The following TMEM114 variants were observed in gnomAD, a reference collection of about 807,000 sequenced individuals.
The protein encoded by TMEM114 is transmembrane protein 114, also known as claudin-26.
In TMEM114, 6 loss-of-function variants were observed where a neutral mutation model predicts 6.2. The ratio of observed to expected loss-of-function variants is 0.97; its 90% CI spans 0.53 to 1.91. The LOEUF (loss-of-function observed/expected upper bound fraction) is 1.91, where lower values mean the gene tolerates loss of function less well. Among genes scored for constraint, TMEM114 ranks in the 40% most tolerant of loss-of-function variants. The pLI is 0.01. For synonymous variants in TMEM114, 104 were observed against 73.0 expected, an observed-to-expected ratio of 1.42 and a Z score of -2.16; for missense variants, 218 against 158.3, an observed-to-expected ratio of 1.38 and a Z score of -2.02.
chr16:8,546,803 A>T (rs1900681397), intron 2 of TMEM114, among the ~76,000 whole-genome samples: 1 of 152,222 alleles, frequency 6.6e-6, no homozygotes. Flanking sequence ...TCTGCAATAA[A>T]GGTTTCGCTC....
At chr16:8,588,542 A>T (rs966060055) in intron 2 of TMEM114, among the ~76,000 whole-genome samples, 1 of 152,140 alleles carries the variant, frequency 6.6e-6, no homozygotes, top group Non-Finnish European at 1.5e-5. Flanking sequence ...CTCCCTCCAC[A>T]AATGCTCATT....
chr16:8,572,406 A>G, intron 2 of TMEM114, 182 bp from the exon 3 acceptor site: 1 of 682,486 alleles, frequency 1.5e-6, no homozygotes, highest in Non-Finnish European at 2.5e-6. Context: ...GTTGAGGCTC[A>G]TCTCGTGCAA....
intron 2 of TMEM114, among the ~76,000 whole-genome samples, chr16:8,583,252 C>T (rs1168429958): frequency 6.6e-6 from 1 of 152,162 alleles, no homozygotes; most frequent in Non-Finnish European, 1.5e-5. Context: ...CAAATAAGTG[C>T]ATCTGGTGGG....
chr16:8,542,379 A>G (rs1469278956), intron 2 of TMEM114, among the ~76,000 whole-genome samples: 1 of 152,192 alleles, frequency 6.6e-6, no homozygotes, highest in Non-Finnish European at 1.5e-5. Flanking sequence ...AAAGAAACCC[A>G]GATAAGGAGA....
chr16:8,552,242 G>A lies in TMEM114; in HGVS notation n.213-14416C>T, dbSNP rs1900869162. On this transcript the variant is annotated intron_variant and non_coding_transcript_variant, in intron 2 of 2. Coordinates refer to the TMEM114 transcript ENST00000623677. The stretch of plus-strand genomic sequence containing the variant: ...AAAAAAAAAATTTTAATATTAGCCA[G>A]GCATGGTTGTGTGTGCCTATAGTCC... 2.6e-5 allele frequency among the ~76,000 whole-genome samples: 4 copies of A among 151,882 alleles called. 1 individual carries two copies. The South Asian group carries it at 8.3e-4, about 32-fold the overall frequency.
chr16:8,543,004 A>C (rs914852493), intron 2 of TMEM114, among the ~76,000 whole-genome samples: 1 of 152,262 alleles, frequency 6.6e-6, no homozygotes, highest in Non-Finnish European at 1.5e-5. Flanking sequence ...ACTCCTAGCC[A>C]GGAGAAAAGG....
chr16:8,584,603 T>A (rs1190300103), intron 2 of TMEM114, among the ~76,000 whole-genome samples: 1 of 152,010 alleles, frequency 6.6e-6, no homozygotes, highest in African/African-American at 2.4e-5. Flanking sequence ...TAAGGAGGTG[T>A]GTTAGTCTGT....
At chr16:8,529,729 TAA>T in the TMEM114 span, among the ~76,000 whole-genome samples, 2 of 135,700 alleles carry the variant, frequency 1.5e-5, no homozygotes, top group Non-Finnish European at 3.2e-5. Context: ...AAAGAAAACT[TAA>T]AAAAAAAAAA....
At chr16:8,575,249 C>T (rs1901880152) in intron 2 of TMEM114, among the ~76,000 whole-genome samples, 2 of 152,204 alleles carry the variant, frequency 1.3e-5, no homozygotes, top group Non-Finnish European at 2.9e-5. Context: ...AGAGTAAAAA[C>T]ACCTGCCCAC....
chr16:8,531,853 G>A, the TMEM114 span: 1 of 152,224 alleles, frequency 6.6e-6, no homozygotes, highest in African/African-American at 2.4e-5. Context: ...AATGGAAAGG[G>A]ATGTAAAATT....
At chr16:8,529,617 C>A in the TMEM114 span, among the ~76,000 whole-genome samples, 1 of 151,916 alleles carries the variant, frequency 6.6e-6, no homozygotes, top group African/African-American at 2.4e-5. Flanking sequence ...CAGGAACCTA[C>A]ATTGATAATT....
At chr16:8,582,238 A>G (rs1246394616) in intron 2 of TMEM114, among the ~76,000 whole-genome samples, 1 of 151,924 alleles carries the variant, frequency 6.6e-6, no homozygotes, top group East Asian at 1.9e-4. Flanking sequence ...TCCTCATCTG[A>G]CCAGCCTGGC....
At chr16:8,550,254 T>C (rs376226665) in intron 2 of TMEM114, among the ~76,000 whole-genome samples, 1 of 152,226 alleles carries the variant, frequency 6.6e-6, no homozygotes, top group Non-Finnish European at 1.5e-5. Context: ...GATAATCTCT[T>C]CTGGCAATAG....
chr16:8,559,808 A>G (rs1034194836), intron 2 of TMEM114, among the ~76,000 whole-genome samples: 1 of 152,158 alleles, frequency 6.6e-6, no homozygotes, highest in African/African-American at 2.4e-5. Flanking sequence ...CGTGAAGCCC[A>G]GGTTTCCATG....
At chr16:8,555,303 G>C (rs372486961) in intron 2 of TMEM114, among the ~76,000 whole-genome samples, 4 of 152,362 alleles carry the variant, frequency 2.6e-5, no homozygotes, top group African/African-American at 9.6e-5. Context: ...GGAGGTGGCA[G>C]GGTTGCAGCT....
At chr16:8,565,221 G>C (rs901875452), downstream of TMEM114, among the ~76,000 whole-genome samples, 1 of 152,180 alleles carries the variant, frequency 6.6e-6, no homozygotes, top group African/African-American at 2.4e-5. Context: ...ATGAATAAGT[G>C]AGTGAATGAA....
chr16:8,578,617 G>A lies in TMEM114; in HGVS notation c.302-6393C>T, dbSNP rs528633665. ...AGTGACACCATCCACACAGTACCAC[G>A]TCTTGGATGGCATACAGTAGGAACT... is the stretch of plus-strand genomic sequence containing the variant. On this transcript the variant is annotated intron_variant, in intron 2 of 3. Coordinates refer to ENST00000620492, the MANE Select transcript of TMEM114 (RefSeq NM_001146336.2). 8.5e-5 allele frequency among the ~76,000 whole-genome samples: 13 copies of A among 152,284 alleles called. No homozygotes were observed. In the South Asian group the frequency reaches 1.0e-3, roughly 12 times the overall value.
downstream of TMEM114, among the ~76,000 whole-genome samples, chr16:8,534,050 C>G (rs1900286156): frequency 6.6e-6 from 1 of 152,216 alleles, no homozygotes; most frequent in African/African-American, 2.4e-5. Context: ...ACTTCTCCCT[C>G]CTTCTGTCCC....
chr16:8,538,514 T>C (rs1057049815), intron 2 of TMEM114, among the ~76,000 whole-genome samples: 21 of 141,440 alleles, frequency 1.5e-4, no homozygotes, highest in African/African-American at 6.4e-4. Flanking sequence ...TGTTTGTTTT[T>C]TGTTTTTTTT....
Sources: allele counts gnomAD v4.1 joint callset (sites outside exome capture counted in the v4.1 genomes callset), GRCh38; gene constraint gnomAD v4.1.1; transcripts MANE v1.5; gene names NCBI Gene and HGNC (gene_info 2026-07-23, HGNC 2026-07-21).